SLC4A10: variants seen among roughly 807,000 people sequenced by gnomAD.
SLC4A10 encodes the protein solute carrier family 4 member 10.
Under a neutral mutation model 137.7 loss-of-function variants are expected in SLC4A10, and 42 were observed. The ratio of observed to expected loss-of-function variants is 0.30; its 90% CI spans 0.24 to 0.39. The LOEUF is 0.39. Among genes scored for constraint, SLC4A10 ranks in the 10% least tolerant of loss-of-function variants. SLC4A10 has a pLI of 1.00. For synonymous variants in SLC4A10, 474 were observed against 464.1 expected (o/e 1.02, Z -0.27); for missense variants, 925 against 1,355.0 (o/e 0.68, Z 4.98).
In SLC4A10 at chr2:161,976,810, T is replaced by C. The variant is rs1239128781; in HGVS notation, c.3278T>C (p.Leu1093Ser). Residue 1093 changes from leucine to serine, a missense_variant, in exon 25 of 27, where the codon TTG (leucine) becomes TCG (serine). Physicochemically the swap from Leu to Ser is moderately radical, Grantham distance 145 (BLOSUM62 -2). Transcript: ENST00000446997. ...NISDEMSKTA[L>S]WRNLLITADN... ...TCTGATGAAATGTCAAAGACTGCCT[T>C]GTGGAGGAACCTTCTGATTACTGCC... The C allele has an allele frequency of 1.2e-6, 2 of 1,606,412 alleles. No homozygotes were observed. The highest frequency in any genetic ancestry group is 1.7e-6 in the Non-Finnish European group (2 of 1,176,276).
At chr2:161,919,892 C>T (rs1687802121) in intron 15 of SLC4A10, among the ~76,000 whole-genome samples, 1 of 152,196 alleles carries the variant, frequency 6.6e-6, no homozygotes, top group Non-Finnish European at 1.5e-5. Context: ...CTGTGACACC[C>T]TCTTTGGGGC....
intron 3 of SLC4A10, among the ~76,000 whole-genome samples, chr2:161,804,912 A>C (rs1257026102): frequency 6.6e-6 from 1 of 152,166 alleles, no homozygotes; most frequent in Non-Finnish European, 1.5e-5. Flanking sequence ...AAAATGCCTT[A>C]ATTTAGTTCC....
intron 6 of SLC4A10, among the ~76,000 whole-genome samples, chr2:161,866,234 A>G (rs2060739133): frequency 1.3e-5 from 2 of 152,056 alleles, no homozygotes; most frequent in Non-Finnish European, 2.9e-5. Flanking sequence ...AAACATTCAG[A>G]CACTGTATTT....
At chr2:161,928,793 A>G (rs1349464432) in intron 15 of SLC4A10, among the ~76,000 whole-genome samples, 2 of 152,030 alleles carry the variant, frequency 1.3e-5, no homozygotes, top group Non-Finnish European at 2.9e-5. Context: ...ATTAAACTAG[A>G]AAATCCACTA....
At position 161,808,085 on chromosome 2, in the gene SLC4A10, TA is replaced by T. The variant is rs540906284; in HGVS notation, c.277+3491del. ...GTATTTAGTTTTACATTTATTATGA[TA>T]TTTTCAGACACACATATATGCCTTT... On this transcript the variant is annotated intron_variant, in intron 3 of 26. Coordinates refer to ENST00000446997, the MANE Select transcript of SLC4A10 (RefSeq NM_001178015.2). Among the ~76,000 whole-genome samples, 3 of 152,288 alleles carry T rather than the reference TA, an allele frequency of 2.0e-5. No homozygotes were observed. In the South Asian group the frequency reaches 6.2e-4, roughly 32 times the overall value.
intron 1 of SLC4A10, among the ~76,000 whole-genome samples, chr2:161,699,218 C>A (rs2042881244): frequency 6.6e-6 from 1 of 152,088 alleles, no homozygotes; most frequent in Admixed American, 6.6e-5. Context: ...GACGGGGTTT[C>A]ACTGTGTTAG....
intron 1 of SLC4A10, among the ~76,000 whole-genome samples, chr2:161,726,212 A>G (rs1574595803): frequency 1.3e-5 from 2 of 152,296 alleles, no homozygotes; most frequent in South Asian, 2.1e-4. Flanking sequence ...ATTACAATGA[A>G]TAATAATAGT....
chr2:161,671,782 A>G (rs540551425), intron 1 of SLC4A10, among the ~76,000 whole-genome samples: 1 of 152,238 alleles, frequency 6.6e-6, no homozygotes, highest in Non-Finnish European at 1.5e-5. Context: ...TAGCTTTTAA[A>G]TTATAGTTAT....
At chr2:161,890,876 G>C (rs2062838633) in intron 10 of SLC4A10, among the ~76,000 whole-genome samples, 1 of 152,040 alleles carries the variant, frequency 6.6e-6, no homozygotes, top group Non-Finnish European at 1.5e-5. Context: ...ATTCCCTTCT[G>C]TTTCTTCATA....
chr2:161,628,775 T>G (rs901649510), intron 1 of SLC4A10, among the ~76,000 whole-genome samples: 3 of 152,032 alleles, frequency 2.0e-5, no homozygotes, highest in African/African-American at 7.2e-5. Context: ...AAAATATATG[T>G]ATAAAATGCT....
At chr2:161,821,092 T>C (rs1479520834) in intron 3 of SLC4A10, among the ~76,000 whole-genome samples, 2 of 152,226 alleles carry the variant, frequency 1.3e-5, no homozygotes, top group African/African-American at 2.4e-5. Context: ...TTCTAGGAAG[T>C]GCCTACCAAA....
chr2:161,765,344 C>T (rs981386324), intron 1 of SLC4A10, among the ~76,000 whole-genome samples: 2 of 152,042 alleles, frequency 1.3e-5, no homozygotes, highest in Non-Finnish European at 2.9e-5. Context: ...TGGTGGCTCA[C>T]GCCTGTAATC....
intron 2 of SLC4A10, among the ~76,000 whole-genome samples, chr2:161,778,910 T>C: frequency 6.6e-6 from 1 of 151,962 alleles, no homozygotes. Flanking sequence ...TTATTTCCTT[T>C]TGGGGCCACA....
intron 12 of SLC4A10, chr2:161,902,169 T>C (rs1221912616): frequency 4.6e-6 from 2 of 437,822 alleles, no homozygotes; most frequent in Admixed American, 5.2e-5. Flanking sequence ...TTCTCTGTAA[T>C]GAACTCCCAC....
At position 161,890,077 on chromosome 2, in the gene SLC4A10, T is replaced by G. The variant is rs961394160; in HGVS notation, c.1195-4602T>G. 9.8e-5 allele frequency among the ~76,000 whole-genome samples: 15 copies of G among 152,328 alleles called. No individual in the cohort carries two copies. The South Asian group carries it at 1.7e-3, about 17-fold the overall frequency. On this transcript the variant is annotated intron_variant, in intron 10 of 26. Coordinates refer to ENST00000446997, the MANE Select transcript of SLC4A10 (RefSeq NM_001178015.2). ...AGTAATTCAGGAGCAGGTTATTCAG[T>G]TTCCACGTAGTTGTGTGGTTTTGAG... is the stretch of plus-strand genomic sequence containing the variant.
At chr2:161,885,254 A>C (rs1188541871) in intron 10 of SLC4A10, among the ~76,000 whole-genome samples, 1 of 150,808 alleles carries the variant, frequency 6.6e-6, no homozygotes, top group East Asian at 1.9e-4. Context: ...TAAGAATAGA[A>C]TTTAATATGT....
intron 4 of SLC4A10, among the ~76,000 whole-genome samples, chr2:161,850,687 G>A (rs1303030714): frequency 6.6e-6 from 1 of 151,962 alleles, no homozygotes; most frequent in East Asian, 1.9e-4. Flanking sequence ...TCTTTTGTGT[G>A]ATTTTTCTCA....
chr2:161,705,791 C>T lies in SLC4A10; in HGVS notation c.49-65182C>T, dbSNP rs184050898. Among the ~76,000 whole-genome samples, 6 of 151,442 alleles carry T rather than the reference C, an allele frequency of 4.0e-5. No homozygotes were observed. In the East Asian group the frequency reaches 7.8e-4, roughly 20 times the overall value. ...TGTTGTGGCATTTTGTTATAGCAGC[C>T]CAAATGGACTAAGATACACTCTTTT... On this transcript the variant is annotated intron_variant, in intron 1 of 26. Coordinates refer to ENST00000446997, the MANE Select transcript of SLC4A10 (RefSeq NM_001178015.2).
At chr2:161,846,648 G>T (rs1334295472) in intron 4 of SLC4A10, among the ~76,000 whole-genome samples, 1 of 152,064 alleles carries the variant, frequency 6.6e-6, no homozygotes, top group African/African-American at 2.4e-5. Flanking sequence ...GCAATAAAAA[G>T]GAACAAACTA....
Sources: gnomAD v4.1 joint callset for allele counts (sites outside exome capture counted in the v4.1 genomes callset) on GRCh38, gnomAD v4.1.1 for gene constraint, MANE v1.5 for transcripts, NCBI Gene and HGNC (gene_info 2026-07-23, HGNC 2026-07-21) for gene names.